ROBO1: variants seen among roughly 807,000 people sequenced by gnomAD.
The protein encoded by ROBO1 is roundabout homolog 1.
A neutral mutation model predicts 195.9 loss-of-function variants in ROBO1; 149 were observed. That is an observed-to-expected ratio of 0.76 (90% CI 0.67 to 0.87). The LOEUF is 0.87. Among genes scored for constraint, ROBO1 ranks in the 40% least tolerant of loss-of-function variants. ROBO1 has a pLI of 0.00. For synonymous variants in ROBO1, 816 were observed against 733.2 expected, an observed-to-expected ratio of 1.11 and a Z score of -1.82; for missense variants, 1,933 against 2,068.3, an observed-to-expected ratio of 0.93 and a Z score of 1.27.
chr3:78,738,744 A>G (rs2082452811), intron 5 of ROBO1, among the ~76,000 whole-genome samples: 1 of 152,158 alleles, frequency 6.6e-6, no homozygotes, highest in Admixed American at 6.5e-5. Context: ...TTAAGAAAAA[A>G]CTACTAAATA....
chr3:78,821,463 C>T (rs144726011), intron 4 of ROBO1, among the ~76,000 whole-genome samples: 2 of 152,030 alleles, frequency 1.3e-5, no homozygotes, highest in South Asian at 2.1e-4. Context: ...TGTGCCCAGC[C>T]GATACTGATG....
chr3:79,007,860 A>T (rs955741555), intron 3 of ROBO1, among the ~76,000 whole-genome samples: 1 of 152,192 alleles, frequency 6.6e-6, no homozygotes, highest in Non-Finnish European at 1.5e-5. Context: ...ACAGGGAATG[A>T]GCATTTTTTT....
chr3:79,092,488 C>T (rs904432445), intron 3 of ROBO1, among the ~76,000 whole-genome samples: 2 of 152,104 alleles, frequency 1.3e-5, no homozygotes, highest in Non-Finnish European at 2.9e-5. Context: ...ACAGAGATGT[C>T]ATTGAAGGAA....
intron 4 of ROBO1, among the ~76,000 whole-genome samples, chr3:78,773,719 C>G (rs1042380958): frequency 6.6e-6 from 1 of 152,156 alleles, no homozygotes; most frequent in South Asian, 2.1e-4. Context: ...AAAACTCATC[C>G]TTTTTCATTG....
chr3:79,692,091 G>A lies in ROBO1; in HGVS notation c.-51+75661C>T, dbSNP rs545557902. 3.6e-3 allele frequency among the ~76,000 whole-genome samples: 552 copies of A among 151,968 alleles called. 1 individual carries two copies. The highest frequency in any genetic ancestry group is 6.8e-3 in the Middle Eastern group (2 of 294). On this transcript the variant is annotated intron_variant, in intron 1 of 30. Coordinates refer to ENST00000464233, the MANE Select transcript of ROBO1 (RefSeq NM_002941.4). ...AAAGCTGATGATTGAAGGAAGGGTA[G>A]GGATTATCCAGAAGAAAAGGAGGTT...
chr3:79,127,159 A>C (rs990233065), intron 2 of ROBO1, among the ~76,000 whole-genome samples: 11 of 152,142 alleles, frequency 7.2e-5, no homozygotes, highest in Admixed American at 3.3e-4. Flanking sequence ...CGTCCACTTT[A>C]CCTTTCCGGC....
intron 4 of ROBO1, among the ~76,000 whole-genome samples, chr3:78,837,955 T>C (rs1241325879): frequency 6.6e-6 from 1 of 152,320 alleles, no homozygotes; most frequent in Non-Finnish European, 1.5e-5. Context: ...AATGTTAATA[T>C]CCAATTAAAT....
In ROBO1 at chr3:78,730,336, T is replaced by C. The variant is rs150276575; in HGVS notation, c.658-12453A>G. On this transcript the variant is annotated intron_variant, in intron 5 of 30. Coordinates refer to ENST00000464233, the MANE Select transcript of ROBO1 (RefSeq NM_002941.4). ...TAACTTGTTACCCTTGAAATTTACA[T>C]TGACTTACATTCTGTAGAAGACTCA... Among the ~76,000 whole-genome samples the C allele has an allele frequency of 4.1e-3, 271 of 65,626 alleles. 35 individuals are homozygous for C. The highest frequency in any genetic ancestry group is 7.3e-3 in the African/African-American group (247 of 33,872). 43.1% of individuals were successfully genotyped at this position (65,626 alleles called of 152,430 possible).
chr3:78,683,727 G>A (rs1001083652), intron 10 of ROBO1, among the ~76,000 whole-genome samples: 1 of 151,852 alleles, frequency 6.6e-6, no homozygotes, highest in Non-Finnish European at 1.5e-5. Flanking sequence ...GTTTTCATAT[G>A]GGGGAAATGA....
chr3:79,002,806 T>C (rs1421985141), intron 3 of ROBO1, among the ~76,000 whole-genome samples: 1 of 152,124 alleles, frequency 6.6e-6, no homozygotes, highest in Non-Finnish European at 1.5e-5. Flanking sequence ...AAAAACATTT[T>C]CAACAAGTGA....
intron 1 of ROBO1, among the ~76,000 whole-genome samples, chr3:79,751,576 G>A (rs1430895946): frequency 6.6e-6 from 1 of 152,096 alleles, no homozygotes; most frequent in East Asian, 1.9e-4. Flanking sequence ...CCTGATGTTT[G>A]TATATGGACT....
chr3:79,433,616 G>A (rs925700875), intron 2 of ROBO1, among the ~76,000 whole-genome samples: 3 of 151,978 alleles, frequency 2.0e-5, no homozygotes, highest in African/African-American at 7.3e-5. Context: ...CGTGAAATTG[G>A]CCATACTGCC....
chr3:79,579,226 A>G (rs1943585415), intron 2 of ROBO1, among the ~76,000 whole-genome samples: 1 of 152,178 alleles, frequency 6.6e-6, no homozygotes, highest in African/African-American at 2.4e-5. Context: ...GTCATTTAAA[A>G]TGTATTCTAT....
At chr3:78,718,134 T>C (rs906533374) in intron 5 of ROBO1, among the ~76,000 whole-genome samples, 8 of 152,214 alleles carry the variant, frequency 5.3e-5, no homozygotes, top group African/African-American at 1.9e-4. Flanking sequence ...TCTGTATAGC[T>C]AGAAACTTGT....
chr3:79,127,849 G>A (rs1253557117), intron 2 of ROBO1, among the ~76,000 whole-genome samples: 1 of 152,086 alleles, frequency 6.6e-6, no homozygotes, highest in African/African-American at 2.4e-5. Flanking sequence ...CCCTTCTTAG[G>A]CTCAGGAAAG....
chr3:79,331,133 A>G (rs917611536), intron 2 of ROBO1, among the ~76,000 whole-genome samples: 1 of 152,228 alleles, frequency 6.6e-6, no homozygotes, highest in Non-Finnish European at 1.5e-5. Context: ...ATGCATTTTC[A>G]AAGTGTTATG....
intron 2 of ROBO1, among the ~76,000 whole-genome samples, chr3:79,406,705 C>G (rs536249648): frequency 5.9e-5 from 9 of 152,030 alleles, no homozygotes; most frequent in African/African-American, 2.2e-4. Flanking sequence ...TTTGCAAGTT[C>G]AAGGGAAAGA....
At chr3:79,584,938 T>C (rs1943781550) in intron 2 of ROBO1, among the ~76,000 whole-genome samples, 1 of 151,810 alleles carries the variant, frequency 6.6e-6, no homozygotes, top group Non-Finnish European at 1.5e-5. Context: ...TTATTGTTGC[T>C]AAAATTATAC....
At chr3:78,766,652 A>G (rs1007062049) in intron 4 of ROBO1, among the ~76,000 whole-genome samples, 1 of 152,102 alleles carries the variant, frequency 6.6e-6, no homozygotes, top group Non-Finnish European at 1.5e-5. Context: ...TTCCAGTACT[A>G]TGTTGAAGAG....
Sources: gnomAD v4.1 joint callset for allele counts (sites outside exome capture counted in the v4.1 genomes callset) on GRCh38, gnomAD v4.1.1 for gene constraint, MANE v1.5 for transcripts, NCBI Gene and HGNC (gene_info 2026-07-23, HGNC 2026-07-21) for gene names.